The following CHAF1A variants were observed in gnomAD, a reference collection of about 807,000 sequenced individuals.
CHAF1A encodes chromatin assembly factor 1 subunit A.
Under a neutral mutation model 93.2 loss-of-function variants are expected in CHAF1A, and 5 were observed. That is an observed-to-expected ratio of 0.05 (90% CI 0.03 to 0.11). The LOEUF (loss-of-function observed/expected upper bound fraction) is 0.11, where lower values mean the gene tolerates loss of function less well. Among genes scored for constraint, CHAF1A ranks in the 10% least tolerant of loss-of-function variants. CHAF1A has a pLI of 1.00. For missense variants in CHAF1A, 1,102 were observed against 1,259.9 expected, an observed-to-expected ratio of 0.87 and a Z score of 1.90; for synonymous variants, 504 against 510.3, an observed-to-expected ratio of 0.99 and a Z score of 0.17.
chr19:4,435,080 TTTTTTCC>T (rs1974257615), intron 13 of CHAF1A, among the ~76,000 whole-genome samples: 1 of 134,828 alleles, frequency 7.4e-6, no homozygotes. Flanking sequence ...CTTTTTTCTT[TTTTTTCC>T]TTTTTTTTTT....
At chr19:4,450,341 T>G in the CHAF1A span, 2 of 151,754 alleles carry the variant, frequency 1.3e-5, no homozygotes, top group Non-Finnish European at 2.9e-5. Context: ...AACTGACACA[T>G]TTAATTATAC....
At position 4,432,185 on chromosome 19, in the gene CHAF1A, G is replaced by C. The variant is rs767436730; in HGVS notation, c.2181G>C (p.Lys727Asn). ...AGGAGCAGACGCCCAAGGCCTCCAAGCGGGAGAGGAGAGACGAGCAGAGTG... is the reference window on the plus strand; with the variant it reads ...AGGAGCAGACGCCCAAGGCCTCCAACCGGGAGAGGAGAGACGAGCAGAGTG... ...AQEEQTPKAS[K>N]RERRDEQILA... Residue 727 changes from lysine to asparagine, a missense_variant, in exon 12 of 15, where the codon AAG (lysine) becomes AAC (asparagine). This residue lies in a region of CHAF1A where 335 missense variants were observed against 361.9 expected (regional missense o/e 0.93). Transcript: ENST00000301280. 6.2e-7 allele frequency: 1 copy of C among 1,610,288 alleles called. No homozygotes were observed. Among genetic ancestry groups the C allele is most frequent in the Non-Finnish European group, 8.5e-7 (1 of 1,178,804 alleles).
At chr19:4,443,851 T>C (rs1974445315), downstream of CHAF1A, among the ~76,000 whole-genome samples, 1 of 152,184 alleles carries the variant, frequency 6.6e-6, no homozygotes, top group Non-Finnish European at 1.5e-5. Flanking sequence ...GCTGTGGTAC[T>C]GAGCAGCTCA....
chr19:4,424,580 C>T (rs1974047420), intron 7 of CHAF1A, among the ~76,000 whole-genome samples: 1 of 152,188 alleles, frequency 6.6e-6, no homozygotes, highest in South Asian at 2.1e-4. Context: ...CCTGTCACCT[C>T]AGCCTTCCCG....
rs1974410072 is a variant in CHAF1A, at chr19:4,442,412, G to C, written c.2770+71G>C. ...TGGAGGTAAACCTCAACAGAGAAGG[G>C]ATGGGGCTGCCTAAGACTAGCTCCA... is the stretch of plus-strand genomic sequence containing the variant. On this transcript the variant is annotated intron_variant, in intron 14 of 14. Transcript: ENST00000301280. 1.2e-5 allele frequency: 16 copies of C among 1,285,094 alleles called. No homozygotes were observed. In the Middle Eastern group the frequency reaches 5.5e-4, roughly 44 times the overall value. The allele number at this position is 1,285,094 out of a possible 1,614,324, so 79.6% of individuals were successfully genotyped here. A position where few individuals can be genotyped will look rare whatever the true frequency, so the allele number is the denominator to read the frequency against.
intron 3 of CHAF1A, among the ~76,000 whole-genome samples, chr19:4,413,819 CAA>C (rs1190610747): frequency 6.6e-6 from 1 of 152,112 alleles, no homozygotes; most frequent in Non-Finnish European, 1.5e-5. Context: ...TTTGGAGAAA[CAA>C]TGATTTAAAA....
At chr19:4,411,315 C>T (rs557986951) in intron 3 of CHAF1A, among the ~76,000 whole-genome samples, 269 of 152,212 alleles carry the variant, frequency 1.8e-3, no homozygotes, top group African/African-American at 6.2e-3. Flanking sequence ...CTGCAACCTC[C>T]GCCTCTTGGG....
At chr19:4,403,784 C>T (rs747695249) in intron 1 of CHAF1A, among the ~76,000 whole-genome samples, 1 of 152,218 alleles carries the variant, frequency 6.6e-6, no homozygotes, top group Non-Finnish European at 1.5e-5. Context: ...TGGGATTTCC[C>T]GGAGACATAA....
At chr19:4,408,875 T>C in intron 2 of CHAF1A, 28 bp from the exon 3 acceptor site, 2 of 1,574,800 alleles carry the variant, frequency 1.3e-6, no homozygotes, top group South Asian at 2.4e-5. Context: ...AAACGTTCAC[T>C]AGAGATGGCT....
intron 7 of CHAF1A, among the ~76,000 whole-genome samples, chr19:4,427,867 C>G (rs1249098938): frequency 1.3e-5 from 2 of 152,100 alleles, no homozygotes; most frequent in Non-Finnish European, 2.9e-5. Context: ...CAATTACAGG[C>G]GTGAGCCACC....
chr19:4,429,564 G>A lies in CHAF1A; in HGVS notation c.1731G>A (p.Lys577=), dbSNP rs1359016955. 1.2e-6 allele frequency: 2 copies of A among 1,613,964 alleles called. No homozygotes were observed. Among genetic ancestry groups the A allele is most frequent in the Non-Finnish European group, 8.5e-7 (1 of 1,180,018 alleles). ...CCTACTGGGGTACCTGGAATAAGAAGACGGCACTCATCCGCGCGCGAGACC... is the reference window on the plus strand; with the variant it reads ...CCTACTGGGGTACCTGGAATAAGAAAACGGCACTCATCCGCGCGCGAGACC... ...RPAYWGTWNK[K]TALIRARDPW... is the part of the protein sequence containing the mutation. Residue 577 remains lysine (K), a synonymous_variant, in exon 9 of 15, where the codon AAG becomes AAA. Coordinates refer to ENST00000301280, the MANE Select transcript of CHAF1A (RefSeq NM_005483.3).
chr19:4,433,355 A>G lies in CHAF1A; in HGVS notation c.2489A>G (p.Gln830Arg). 1.2e-6 allele frequency: 2 copies of G among 1,613,162 alleles called. No individual in the cohort carries two copies. Among genetic ancestry groups the G allele is most frequent in the Non-Finnish European group, 1.7e-6 (2 of 1,179,164 alleles). ...VHPQVLQSFQ[Q>R]EHLPVPCQWS... ...CCGCAGGTGCTACAGAGCTTCCAGCAGGAGCACCTGCCCGTGCCGTGCCAG... is the reference window on the plus strand; with the variant it reads ...CCGCAGGTGCTACAGAGCTTCCAGCGGGAGCACCTGCCCGTGCCGTGCCAG... The change falls in exon 13 of 15, where the codon CAG becomes CGG. Residue 830 changes from glutamine (Q) to arginine (R), a missense_variant. By Grantham distance (43) the Gln-to-Arg change is conservative. Around this residue, in one of 6 missense-constraint regions of CHAF1A, gnomAD observed 76 missense variants for 129.8 expected, o/e 0.59. Transcript: ENST00000301280. The surrounding 1 kb of genome is among the most constrained non-coding windows in gnomAD (Gnocchi z 5.6).
At chr19:4,446,112 C>G (rs750315970), downstream of CHAF1A, 4 of 1,612,512 alleles carry the variant, frequency 2.5e-6, no homozygotes, top group African/African-American at 5.3e-5. Flanking sequence ...CCGAGGCCAG[C>G]AGCTCAAAAG....
chr19:4,443,078 T>TA lies in CHAF1A; in HGVS notation c.*54dup. The TA allele has an allele frequency of 8.6e-7, 1 of 1,169,438 alleles. No homozygotes were observed. Among genetic ancestry groups the TA allele is most frequent in the Non-Finnish European group, 1.3e-6 (1 of 796,760 alleles). 72.4% of individuals were successfully genotyped at this position (1,169,438 alleles called of 1,614,324 possible). ...TAGGGTGTCCTCCCCACAGAGCAGA[T>TA]ACTTGAACCGACTCAATTCCTGTGT... On this transcript the variant is annotated 3_prime_UTR_variant, in exon 15 of 15. Coordinates refer to ENST00000301280, the MANE Select transcript of CHAF1A (RefSeq NM_005483.3).
chr19:4,433,333 C>G lies in CHAF1A; in HGVS notation c.2467C>G (p.Gln823Glu). ...CAGGATGTGCTGGTACGTGCACCCG[C>G]AGGTGCTACAGAGCTTCCAGCAGGA... ...DFRMCWYVHP[Q>E]VLQSFQQEHL... The change falls in exon 13 of 15, where the codon CAG becomes GAG. Residue 823 changes from glutamine (Q) to glutamate (E), a missense_variant. Physicochemically the swap from Gln to Glu is conservative, Grantham distance 29. This residue lies in a region of CHAF1A where 76 missense variants were observed against 129.8 expected (regional missense o/e 0.59). Coordinates refer to ENST00000301280, the MANE Select transcript of CHAF1A (RefSeq NM_005483.3). The surrounding 1 kb of genome is among the most constrained non-coding windows in gnomAD (Gnocchi z 5.6). The G allele has an allele frequency of 6.2e-7, 1 of 1,613,752 alleles. No individual in the cohort carries two copies. Among genetic ancestry groups the G allele is most frequent in the Non-Finnish European group, 8.5e-7 (1 of 1,179,668 alleles).
At chr19:4,449,300 T>A (rs1420593340), downstream of CHAF1A, 1 of 152,780 alleles carries the variant, frequency 6.5e-6, no homozygotes, top group Non-Finnish European at 1.5e-5. Context: ...TGTGTCAGGA[T>A]TCGGGCCACC....
chr19:4,413,513 G>A (rs1484538163), intron 3 of CHAF1A, among the ~76,000 whole-genome samples: 1 of 152,178 alleles, frequency 6.6e-6, no homozygotes, highest in Non-Finnish European at 1.5e-5. Flanking sequence ...GGGGCGAGCT[G>A]GTGGGAAGCT....
intron 13 of CHAF1A, among the ~76,000 whole-genome samples, chr19:4,441,456 AAATTAG>A (rs1974386945): frequency 6.6e-6 from 1 of 151,900 alleles, no homozygotes; most frequent in Admixed American, 6.6e-5. Context: ...AAAAATACAA[AAATTAG>A]CTGGGCGTGA....
intron 3 of CHAF1A, among the ~76,000 whole-genome samples, chr19:4,411,665 T>TTTTTTTTTTTTTTTTTTTTTTA (rs1973805633): frequency 9.3e-6 from 1 of 107,308 alleles, no homozygotes; most frequent in Non-Finnish European, 1.9e-5. Context: ...TTTTTTTTTT[T>TTTTTTTTTTTTTTTTTTTTTTA]GAGACATGGT....
Sources: allele counts gnomAD v4.1 joint callset (sites outside exome capture counted in the v4.1 genomes callset), GRCh38; gene constraint gnomAD v4.1.1; regional missense constraint gnomAD v4.1.1; non-coding constraint Gnocchi (gnomAD v3.1); transcripts MANE v1.5; gene names NCBI Gene and HGNC (gene_info 2026-07-23, HGNC 2026-07-21).